Variants in PRH1 observed in about 807,000 individuals in gnomAD.
The protein encoded by PRH1 is salivary acidic proline-rich phosphoprotein 1/2.
A neutral mutation model predicts 7.9 loss-of-function variants in PRH1; 7 were observed. The ratio of observed to expected loss-of-function variants is 0.89; its 90% confidence interval spans 0.50 to 1.67. The LOEUF (loss-of-function observed/expected upper bound fraction) is 1.67. Ranked by LOEUF, PRH1 falls within the 40% of genes most tolerant of loss-of-function variation. The pLI is 0.00. For missense variants in PRH1, 109 were observed against 223.6 expected, an observed-to-expected ratio of 0.49 and a Z score of 3.27; for synonymous variants, 45 against 80.8, an observed-to-expected ratio of 0.56 and a Z score of 2.38.
At chr12:11,027,893 C>G (rs1941998679) in intron 1 of PRH1, among the ~76,000 whole-genome samples, 1 of 152,176 alleles carries the variant, frequency 6.6e-6, no homozygotes, top group Admixed American at 6.5e-5. Context: ...GAATATTAAT[C>G]CAAGCATAGA....
At chr12:11,158,300 G>A (rs1467616333) in intron 1 of PRH1, among the ~76,000 whole-genome samples, 1 of 152,034 alleles carries the variant, frequency 6.6e-6, no homozygotes, top group East Asian at 1.9e-4. Context: ...AGTAGTCAAA[G>A]TAGCACTACA....
intron 2 of PRH1, among the ~76,000 whole-genome samples, chr12:10,897,665 G>A (rs1320920416): frequency 6.6e-6 from 1 of 152,184 alleles, no homozygotes; most frequent in Non-Finnish European, 1.5e-5. Flanking sequence ...AGGCAATGGG[G>A]AAATCAGATA....
chr12:10,911,515 G>C (rs1416503856), intron 2 of PRH1, among the ~76,000 whole-genome samples: 1 of 152,164 alleles, frequency 6.6e-6, no homozygotes, highest in Non-Finnish European at 1.5e-5. Flanking sequence ...GAGGCAAAGG[G>C]CAGGAAGAGG....
chr12:10,991,493 C>A (rs963953615), intron 1 of PRH1, among the ~76,000 whole-genome samples: 6 of 151,992 alleles, frequency 3.9e-5, no homozygotes, highest in Non-Finnish European at 8.8e-5. Context: ...TATTGATGCT[C>A]CGACCTTCTC....
chr12:11,064,864 A>T (rs1237562131), intron 1 of PRH1, among the ~76,000 whole-genome samples: 1 of 152,068 alleles, frequency 6.6e-6, no homozygotes, highest in African/African-American at 2.4e-5. Flanking sequence ...GTTCAAGACC[A>T]GCCTGTGCAA....
intron 1 of PRH1, among the ~76,000 whole-genome samples, chr12:11,129,715 C>A (rs1189695476): frequency 6.6e-6 from 1 of 152,296 alleles, no homozygotes; most frequent in Non-Finnish European, 1.5e-5. Context: ...GGTTCTTAAT[C>A]TACACCCATT....
chr12:10,964,904 T>C, intron 2 of PRH1: 1 of 577,782 alleles, frequency 1.7e-6, no homozygotes, highest in South Asian at 1.7e-5. Context: ...CATACTCTCA[T>C]CCATGTTTAC....
intron 1 of PRH1, chr12:11,062,067 G>T: frequency 2.5e-6 from 4 of 1,613,660 alleles, no homozygotes; most frequent in Non-Finnish European, 3.4e-6. Context: ...CTTCTATACT[G>T]TTAAAAGCTG....
intron 2 of PRH1, among the ~76,000 whole-genome samples, chr12:10,950,854 A>G (rs1753952959): frequency 6.7e-6 from 1 of 150,094 alleles, no homozygotes; most frequent in Non-Finnish European, 1.5e-5. Context: ...ACTAGTTTGG[A>G]AAAAAAAAAG....
intron 1 of PRH1, among the ~76,000 whole-genome samples, chr12:11,072,260 T>G (rs1365117975): frequency 1.3e-5 from 2 of 152,146 alleles, no homozygotes; most frequent in Non-Finnish European, 2.9e-5. Context: ...GTTCCGGGAT[T>G]GCAAGCAAGA....
intron 2 of PRH1, among the ~76,000 whole-genome samples, chr12:10,922,515 C>T (rs1950060117): frequency 6.6e-6 from 1 of 152,018 alleles, no homozygotes; most frequent in South Asian, 2.1e-4. Flanking sequence ...GGAATCTGTT[C>T]TTTGTTATAG....
chr12:11,075,408 T>C (rs907597180), intron 1 of PRH1, among the ~76,000 whole-genome samples: 6 of 111,932 alleles, frequency 5.4e-5, no homozygotes, highest in African/African-American at 1.8e-4. Flanking sequence ...TTCTTTTGTG[T>C]TCACTTCTTT....
At chr12:10,895,342 C>G (rs959261501) in intron 2 of PRH1, 7 of 152,238 alleles carry the variant, frequency 4.6e-5, no homozygotes, top group South Asian at 2.1e-4. Context: ...GAAGGAGAAA[C>G]AGAGAAGTGA....
chr12:10,883,148 G>C lies in PRH1; in HGVS notation c.65-52C>G, dbSNP rs1360267786. 5.1e-6 allele frequency: 8 copies of C among 1,581,606 alleles called. No individual in the cohort carries two copies. In the East Asian group the frequency reaches 1.6e-4, roughly 31 times the overall value. On this transcript the variant is annotated intron_variant, in intron 1 of 3. Coordinates refer to ENST00000543626, the MANE Select transcript of PRH1 (RefSeq NM_001393989.1). ...AAAAGTTACTTCCTGAATCATTCAA[G>C]GCTCATAGTGTTCTACGAGGATAAA...
intron 2 of PRH1, among the ~76,000 whole-genome samples, chr12:10,945,848 T>C: frequency 6.6e-6 from 1 of 152,216 alleles, no homozygotes; most frequent in East Asian, 1.9e-4. Context: ...ACACATTCTC[T>C]TTCTCAGGGA....
intron 1 of PRH1, chr12:11,092,426 T>C: frequency 3.1e-6 from 1 of 322,992 alleles, no homozygotes. Flanking sequence ...AGGACAAAGC[T>C]TCCACAGAGT....
intron 1 of PRH1, among the ~76,000 whole-genome samples, chr12:11,055,281 T>C (rs1197969154): frequency 6.6e-6 from 1 of 152,068 alleles, no homozygotes; most frequent in Non-Finnish European, 1.5e-5. Context: ...ATAAGTGTAA[T>C]GAAGGTGCCT....
At chr12:10,978,321 C>T (rs962073191) in intron 1 of PRH1, among the ~76,000 whole-genome samples, 2 of 152,068 alleles carry the variant, frequency 1.3e-5, no homozygotes, top group Non-Finnish European at 2.9e-5. Context: ...TGGGGACAGA[C>T]CCCCTATTCA....
intron 1 of PRH1, among the ~76,000 whole-genome samples, chr12:10,984,943 A>C (rs1316992651): frequency 1.3e-5 from 2 of 152,054 alleles, no homozygotes; most frequent in African/African-American, 2.4e-5. Flanking sequence ...TATAATTTCT[A>C]TACTATTTTT....
Sources: gnomAD v4.1 joint callset for allele counts (sites outside exome capture counted in the v4.1 genomes callset) on GRCh38, gnomAD v4.1.1 for gene constraint, MANE v1.5 for transcripts, NCBI Gene and HGNC (gene_info 2026-07-23, HGNC 2026-07-21) for gene names.